Variants in SLCO1B1 observed in about 807,000 individuals in gnomAD.
The protein encoded by SLCO1B1 is solute carrier organic anion transporter family member 1B1.
Under a neutral mutation model 70.1 loss-of-function variants are expected in SLCO1B1, and 81 were observed. That is an observed-to-expected ratio of 1.16 (90% CI 0.97 to 1.39). The LOEUF (loss-of-function observed/expected upper bound fraction) is 1.39, where lower values mean the gene tolerates loss of function less well. Ranked by LOEUF, SLCO1B1 falls within the 40% of genes most tolerant of loss-of-function variation. The pLI, the probability that SLCO1B1 is intolerant of heterozygous loss-of-function variation, is 0.00. For synonymous variants in SLCO1B1, 283 were observed against 271.5 expected (o/e 1.04, Z -0.42); for missense variants, 895 against 799.6 (o/e 1.12, Z -1.44).
At chr12:21,158,060 A>G (rs1233687895) in intron 2 of SLCO1B1, among the ~76,000 whole-genome samples, 1 of 152,226 alleles carries the variant, frequency 6.6e-6, no homozygotes, top group African/African-American at 2.4e-5. Flanking sequence ...TTGTCATCAA[A>G]TTGATGTGAA....
intron 2 of SLCO1B1, among the ~76,000 whole-genome samples, chr12:21,167,439 A>T (rs111707767): frequency 2.0e-5 from 3 of 152,300 alleles, no homozygotes; most frequent in African/African-American, 7.2e-5. Context: ...AAATCAAATG[A>T]AAATGTTGTG....
At position 21,156,199 on chromosome 12, in the gene SLCO1B1, C is replaced by T. The variant is rs572828797; in HGVS notation, c.84+14541C>T. The stretch of plus-strand genomic sequence containing the variant: ...GACCTTTGAATGCTAGAAGCTACCC[C>T]CTCCCTTTGTAAAGAACAACATTAG... On this transcript the variant is annotated intron_variant, in intron 2 of 14. Transcript: ENST00000256958. 1.0e-3 allele frequency among the ~76,000 whole-genome samples: 155 copies of T among 151,980 alleles called. 3 individuals are homozygous for T. In the South Asian group the frequency reaches 0.019, roughly 18 times the overall value.
chr12:21,145,684 G>C (rs189197790), intron 2 of SLCO1B1, among the ~76,000 whole-genome samples: 6 of 151,856 alleles, frequency 4.0e-5, no homozygotes, highest in African/African-American at 1.4e-4. Context: ...ATGAAAATTT[G>C]AGAATACATT....
At position 21,142,899 on chromosome 12, in the gene SLCO1B1, G is replaced by T. The variant is rs566388250; in HGVS notation, c.84+1241G>T. ...GGAGAAGCTGGGAGTTAGGGAATTA[G>T]CAGTGTGTGGAAAGGACATTAACTG... On this transcript the variant is annotated intron_variant, in intron 2 of 14. Transcript: ENST00000256958. Among the ~76,000 whole-genome samples the T allele has an allele frequency of 2.6e-5, 4 of 152,210 alleles. No individual in the cohort carries two copies. The South Asian group carries it at 8.3e-4, about 32-fold the overall frequency.
At chr12:21,232,628 A>G (rs1941550882) in intron 14 of SLCO1B1, among the ~76,000 whole-genome samples, 1 of 152,140 alleles carries the variant, frequency 6.6e-6, no homozygotes, top group Non-Finnish European at 1.5e-5. Flanking sequence ...AGTACACCAG[A>G]TTTGCTAAAG....
At chr12:21,231,095 T>C (rs1941532346) in intron 14 of SLCO1B1, among the ~76,000 whole-genome samples, 1 of 151,532 alleles carries the variant, frequency 6.6e-6, no homozygotes, top group African/African-American at 2.4e-5. Flanking sequence ...GTCCTTGTGA[T>C]AGTTTGCTGA....
chr12:21,131,721 T>A (rs942918249), intron 1 of SLCO1B1, among the ~76,000 whole-genome samples: 1 of 152,064 alleles, frequency 6.6e-6, no homozygotes, highest in African/African-American at 2.4e-5. Flanking sequence ...CATAACCACC[T>A]CAGTTTCCTT....
At chr12:21,148,318 G>C (rs2417956) in intron 2 of SLCO1B1, among the ~76,000 whole-genome samples, 136,242 of 152,202 alleles carry the variant, frequency 0.9, 61,354 homozygotes, top group South Asian at 0.97. Context: ...CCTAGGTTTT[G>C]TTCTAGGGTT....
In SLCO1B1 at chr12:21,178,783, TAG is replaced by T. The variant is rs1010514453; in HGVS notation, c.628+64_628+65del. 8 of 1,474,800 alleles carry T rather than the reference TAG, an allele frequency of 5.4e-6. No individual in the cohort carries two copies. The Admixed American group carries it at 1.3e-4, about 25-fold the overall frequency. 91.4% of individuals were successfully genotyped at this position (1,474,800 alleles called of 1,614,324 possible). A position where few individuals can be genotyped will look rare whatever the true frequency, so the allele number is the denominator to read the frequency against. On this transcript the variant is annotated intron_variant, in intron 6 of 14. Transcript: ENST00000256958. ...TTCCCTTTGTCTACTTTTGAAATAG[TAG>T]AGTTACTAAACTTATTATTTTACCT...
intron 7 of SLCO1B1, among the ~76,000 whole-genome samples, chr12:21,188,524 C>A (rs1310236190): frequency 6.6e-6 from 1 of 152,100 alleles, no homozygotes; most frequent in East Asian, 1.9e-4. Flanking sequence ...GTGTTCCCGC[C>A]AAAGTCATGT....
At chr12:21,221,366 CAAAT>C (rs1050122399) in intron 12 of SLCO1B1, among the ~76,000 whole-genome samples, 18 of 151,926 alleles carry the variant, frequency 1.2e-4, no homozygotes, top group Non-Finnish European at 1.3e-4. Context: ...AAGAGGAACT[CAAAT>C]AAACTCTGTT....
intron 7 of SLCO1B1, among the ~76,000 whole-genome samples, chr12:21,189,100 A>G (rs1223751568): frequency 1.3e-5 from 2 of 152,172 alleles, no homozygotes; most frequent in Non-Finnish European, 2.9e-5. Context: ...CTTCAAGATA[A>G]TGATTTCAAT....
At chr12:21,232,101 C>T (rs151122450) in intron 14 of SLCO1B1, among the ~76,000 whole-genome samples, 9 of 152,212 alleles carry the variant, frequency 5.9e-5, no homozygotes, top group African/African-American at 2.2e-4. Flanking sequence ...AGAAGTTGGT[C>T]ATGGAGGAGC....
At chr12:21,151,449 A>G (rs1480706793) in intron 2 of SLCO1B1, among the ~76,000 whole-genome samples, 3 of 152,064 alleles carry the variant, frequency 2.0e-5, no homozygotes, top group East Asian at 1.9e-4. Flanking sequence ...CTTTCCTTCC[A>G]TTTCTTGTAT....
At chr12:21,136,629 C>T (rs185298987) in intron 1 of SLCO1B1, among the ~76,000 whole-genome samples, 3 of 152,338 alleles carry the variant, frequency 2.0e-5, no homozygotes, top group Non-Finnish European at 4.4e-5. Context: ...CTATCAGCTA[C>T]TGAGGCTTCT....
At chr12:21,210,997 C>T (rs976373183) in intron 11 of SLCO1B1, among the ~76,000 whole-genome samples, 1 of 152,116 alleles carries the variant, frequency 6.6e-6, no homozygotes, top group Non-Finnish European at 1.5e-5. Flanking sequence ...ACAATCATGT[C>T]ATCTGCAAAC....
At chr12:21,214,605 A>C (rs1251472259) in intron 11 of SLCO1B1, among the ~76,000 whole-genome samples, 115 of 133,074 alleles carry the variant, frequency 8.6e-4, no homozygotes, top group African/African-American at 2.9e-3. Context: ...TCGAGCTTCC[A>C]GGCCGCTTTG....
chr12:21,216,140 A>G (rs1177603271), intron 11 of SLCO1B1, among the ~76,000 whole-genome samples: 1 of 152,092 alleles, frequency 6.6e-6, no homozygotes, highest in Non-Finnish European at 1.5e-5. Context: ...TTATTTATTT[A>G]TTTGTGTATT....
intron 11 of SLCO1B1, among the ~76,000 whole-genome samples, chr12:21,214,416 C>T (rs563243986): frequency 2.0e-5 from 3 of 147,442 alleles, no homozygotes; most frequent in Admixed American, 6.7e-5. Flanking sequence ...GCAGTGTGCC[C>T]GTTCTCAGAT....
Sources: allele counts gnomAD v4.1 joint callset (sites outside exome capture counted in the v4.1 genomes callset), GRCh38; gene constraint gnomAD v4.1.1; transcripts MANE v1.5; gene names NCBI Gene and HGNC (gene_info 2026-07-23, HGNC 2026-07-21).